HOMER2: variants seen among roughly 807,000 people sequenced by gnomAD.
HOMER2 encodes the protein homer scaffold protein 2.
A neutral mutation model predicts 47.0 loss-of-function variants in HOMER2; 27 were observed. The observed-to-expected ratio is 0.57, with a 90% confidence interval of 0.42 to 0.79. HOMER2 has a LOEUF of 0.79. Ranked by LOEUF, HOMER2 falls within the 30% of genes least tolerant of loss-of-function variation. The probability of loss-of-function intolerance (pLI) is 0.00; values close to 1 mark genes in which losing one functional copy is unlikely to be tolerated. For missense variants in HOMER2, 443 were observed against 435.0 expected (o/e 1.02, Z -0.16); for synonymous variants, 161 against 163.8 (o/e 0.98, Z 0.13).
intron 8 of HOMER2, among the ~76,000 whole-genome samples, chr15:82,850,880 G>T (rs982789915): frequency 6.6e-6 from 1 of 152,170 alleles, no homozygotes; most frequent in African/African-American, 2.4e-5. Context: ...CCCCACCAGG[G>T]ATCTGCAAGG....
chr15:82,842,324 TG>T, exon 2 of HOMER2: 1 of 152,200 alleles, frequency 6.6e-6, no homozygotes, highest in Non-Finnish European at 1.5e-5. Context: ...TTTTGTTTTT[TG>T]TTTTTTTGAG....
intron 5 of HOMER2, among the ~76,000 whole-genome samples, chr15:82,858,287 C>CT (rs368230707): frequency 0.01 from 1,539 of 148,290 alleles, 29 homozygotes; most frequent in African/African-American, 0.036. Context: ...GTTCAAAATT[C>CT]TTTTTTTTTT....
chr15:82,976,115 G>A (rs971897442), intron 1 of HOMER2, among the ~76,000 whole-genome samples: 2 of 152,120 alleles, frequency 1.3e-5, no homozygotes, highest in African/African-American at 4.8e-5. Flanking sequence ...TCCACATAGT[G>A]TGTGTGTGCA....
intron 1 of HOMER2, among the ~76,000 whole-genome samples, chr15:82,966,405 A>G (rs1255434931): frequency 1.3e-5 from 2 of 152,050 alleles, no homozygotes; most frequent in African/African-American, 2.4e-5. Context: ...AAAGGGGGGG[A>G]AAGAAAACAG....
At position 82,868,421 on chromosome 15, in the gene HOMER2, C is replaced by CTGGAGGG. The variant is rs930417283; in HGVS notation, c.295-4169_295-4163dup. 1.1e-4 allele frequency among the ~76,000 whole-genome samples: 17 copies of CTGGAGGG among 149,832 alleles called. No homozygotes were observed. In the Middle Eastern group the frequency reaches 0.01, roughly 92 times the overall value. On this transcript the variant is annotated intron_variant, in intron 3 of 8. Coordinates refer to ENST00000450735, the MANE Select transcript of HOMER2 (RefSeq NM_004839.4). The stretch of plus-strand genomic sequence containing the variant: ...GAAGAACAACACACACAGAAGCCTA[C>CTGGAGGG]TGGAGGGTGGAGGGTGGAGGGTAGG...
chr15:82,869,382 G>A (rs912409020), intron 3 of HOMER2, among the ~76,000 whole-genome samples: 1 of 148,976 alleles, frequency 6.7e-6, no homozygotes, highest in Non-Finnish European at 1.5e-5. Context: ...CTCATTTTAT[G>A]GCCTCTTTTG....
chr15:82,916,372 T>C (rs1304045947), intron 1 of HOMER2, among the ~76,000 whole-genome samples: 1 of 152,168 alleles, frequency 6.6e-6, no homozygotes, highest in Non-Finnish European at 1.5e-5. Context: ...AAGACAGCCA[T>C]GGCCTCAGAA....
intron 1 of HOMER2, among the ~76,000 whole-genome samples, chr15:82,936,223 G>C (rs1003426227): frequency 2.6e-5 from 4 of 152,140 alleles, no homozygotes; most frequent in Non-Finnish European, 5.9e-5. Context: ...CAGCCTAAAT[G>C]TCACCACCTC....
At chr15:82,937,997 A>G (rs2151211244) in intron 1 of HOMER2, among the ~76,000 whole-genome samples, 1 of 152,282 alleles carries the variant, frequency 6.6e-6, no homozygotes, top group Admixed American at 6.5e-5. Flanking sequence ...CCCCAACCCT[A>G]CAACCAGCTT....
At chr15:82,916,619 G>C (rs1480830715) in intron 1 of HOMER2, among the ~76,000 whole-genome samples, 1 of 152,162 alleles carries the variant, frequency 6.6e-6, no homozygotes, top group Non-Finnish European at 1.5e-5. Context: ...AAACAGAACA[G>C]GTGTGAGGGT....
At chr15:82,868,450 A>G (rs1175834076) in intron 3 of HOMER2, among the ~76,000 whole-genome samples, 1 of 147,996 alleles carries the variant, frequency 6.8e-6, no homozygotes, top group Non-Finnish European at 1.5e-5. Context: ...GGGTAGGAGG[A>G]GGGAGATGAT....
At chr15:82,946,882 T>C (rs2151230401) in intron 1 of HOMER2, among the ~76,000 whole-genome samples, 1 of 152,320 alleles carries the variant, frequency 6.6e-6, no homozygotes, top group East Asian at 1.9e-4. Context: ...CTCCCCACAA[T>C]GTACCACGGC....
chr15:82,973,670 C>T (rs2030091888), intron 1 of HOMER2, among the ~76,000 whole-genome samples: 1 of 152,208 alleles, frequency 6.6e-6, no homozygotes, highest in Admixed American at 6.5e-5. Flanking sequence ...ATAGAAAACA[C>T]ATCATAGTTC....
chr15:82,969,984 G>C (rs1036760451), intron 1 of HOMER2, among the ~76,000 whole-genome samples: 3 of 152,210 alleles, frequency 2.0e-5, no homozygotes, highest in African/African-American at 7.2e-5. Context: ...TGGATGAAAA[G>C]AGACCTAGGA....
At chr15:82,949,326 G>C (rs1457589618) in intron 1 of HOMER2, among the ~76,000 whole-genome samples, 1 of 152,200 alleles carries the variant, frequency 6.6e-6, no homozygotes, top group Admixed American at 6.5e-5. Flanking sequence ...AGTGTGGACA[G>C]AGAAAAGGAA....
At chr15:82,980,282 C>T (rs1714107011) in intron 1 of HOMER2, among the ~76,000 whole-genome samples, 1 of 152,238 alleles carries the variant, frequency 6.6e-6, no homozygotes, top group South Asian at 2.1e-4. Flanking sequence ...ATGGTCCATA[C>T]ACCCCACAAG....
chr15:82,950,255 T>G (rs750845610), intron 1 of HOMER2, among the ~76,000 whole-genome samples: 3 of 152,138 alleles, frequency 2.0e-5, no homozygotes, highest in African/African-American at 4.8e-5. Context: ...ACAAACTCAC[T>G]GGAGAGGCCA....
At chr15:82,848,051 C>T (rs890541977), downstream of HOMER2, among the ~76,000 whole-genome samples, 4 of 152,184 alleles carry the variant, frequency 2.6e-5, no homozygotes, top group East Asian at 1.9e-4. Context: ...ACTCACCTTG[C>T]GGGAGCTCCT....
intron 2 of HOMER2, among the ~76,000 whole-genome samples, chr15:82,877,053 G>T (rs2052373201): frequency 6.6e-6 from 1 of 152,304 alleles, no homozygotes; most frequent in South Asian, 2.1e-4. Context: ...ACTATTTGTT[G>T]AACACTTATT....
Sources: gnomAD v4.1 joint callset for allele counts (sites outside exome capture counted in the v4.1 genomes callset) on GRCh38, gnomAD v4.1.1 for gene constraint, MANE v1.5 for transcripts, NCBI Gene and HGNC (gene_info 2026-07-23, HGNC 2026-07-21) for gene names.